PIK3C2A: variants seen among roughly 807,000 people sequenced by gnomAD.
The protein encoded by PIK3C2A is phosphatidylinositol 4-phosphate 3-kinase C2 domain-containing subunit alpha.
PIK3C2A carries 97 observed loss-of-function variants against 204.5 expected under a neutral mutation model. The ratio of observed to expected loss-of-function variants is 0.47; its 90% CI spans 0.40 to 0.56. The LOEUF is 0.56. PIK3C2A is among the 20% of genes least tolerant of loss of function. PIK3C2A has a pLI of 0.00. For synonymous variants in PIK3C2A, 653 were observed against 664.4 expected (o/e 0.98, Z 0.26); for missense variants, 1,735 against 1,969.2 (o/e 0.88, Z 2.25).
At chr11:17,125,716 G>A (rs1321973382) in intron 13 of PIK3C2A, among the ~76,000 whole-genome samples, 8 of 151,898 alleles carry the variant, frequency 5.3e-5, no homozygotes, top group Non-Finnish European at 1.2e-4. Context: ...ACAGGGTTTC[G>A]CCATATTGGC....
Position 17,186,623 on chromosome 11 carries a change from AT to A in PIK3C2A, c.-65-16818del, listed in dbSNP as rs779752133. ...TTAGAAGCCATCTTAAATGTGCCAAATAATATGCCGTCAATTTCTTCCTCTA... is the reference window on the plus strand; with the variant it reads ...TTAGAAGCCATCTTAAATGTGCCAAAAATATGCCGTCAATTTCTTCCTCTA... On this transcript the variant is annotated intron_variant, in intron 1 of 32. Coordinates refer to ENST00000691414, the MANE Select transcript of PIK3C2A (RefSeq NM_002645.4). Among the ~76,000 whole-genome samples the A allele has an allele frequency of 5.3e-5, 8 of 152,370 alleles. No homozygotes were observed. The East Asian group carries it at 7.7e-4, about 15-fold the overall frequency.
intron 27 of PIK3C2A, among the ~76,000 whole-genome samples, chr11:17,094,819 A>G (rs1000110751): frequency 6.6e-6 from 1 of 152,234 alleles, no homozygotes; most frequent in Non-Finnish European, 1.5e-5. Flanking sequence ...TAATTGTTAT[A>G]TGCAGTTCAA....
At chr11:17,103,299 T>G (rs944409342) in intron 23 of PIK3C2A, among the ~76,000 whole-genome samples, 1 of 152,098 alleles carries the variant, frequency 6.6e-6, no homozygotes, top group South Asian at 2.1e-4. Context: ...GTAATGTGTT[T>G]TGTTTCCCAT....
intron 2 of PIK3C2A, among the ~76,000 whole-genome samples, chr11:17,166,813 C>A (rs943701400): frequency 1.3e-5 from 2 of 152,170 alleles, no homozygotes; most frequent in Non-Finnish European, 2.9e-5. Flanking sequence ...TGACTCCAGG[C>A]ACTAAACACA....
intron 2 of PIK3C2A, among the ~76,000 whole-genome samples, chr11:17,165,501 C>G (rs887035067): frequency 3.3e-5 from 5 of 151,224 alleles, no homozygotes; most frequent in Non-Finnish European, 5.9e-5. Context: ...GCTGGCAGAC[C>G]TTGGTGGCTC....
At chr11:17,137,094 T>C (rs1237058102) in intron 8 of PIK3C2A, among the ~76,000 whole-genome samples, 1 of 152,210 alleles carries the variant, frequency 6.6e-6, no homozygotes, top group Non-Finnish European at 1.5e-5. Flanking sequence ...TCTTATATAA[T>C]GTATTAATTC....
At chr11:17,151,447 CTT>C (rs1850424259) in intron 3 of PIK3C2A, among the ~76,000 whole-genome samples, 1 of 152,078 alleles carries the variant, frequency 6.6e-6, no homozygotes, top group African/African-American at 2.4e-5. Flanking sequence ...TGTATACTTG[CTT>C]CTGTAGAGAT....
At chr11:17,143,623 TAA>T (rs56407565) in intron 8 of PIK3C2A, among the ~76,000 whole-genome samples, 41,219 of 141,542 alleles carry the variant, frequency 0.29, 6,098 homozygotes, top group East Asian at 0.39. Context: ...AAGAATATGT[TAA>T]AAAAAAAAAA....
chr11:17,176,321 T>C (rs1851339583), intron 1 of PIK3C2A, among the ~76,000 whole-genome samples: 1 of 150,956 alleles, frequency 6.6e-6, no homozygotes, highest in South Asian at 2.1e-4. Flanking sequence ...CTGAATATTA[T>C]ACCACCATTA....
In PIK3C2A at chr11:17,178,719, T is replaced by A. The variant is rs1165782164; in HGVS notation, c.-65-8913A>T. On this transcript the variant is annotated intron_variant, in intron 1 of 32. Coordinates refer to ENST00000691414, the MANE Select transcript of PIK3C2A (RefSeq NM_002645.4). ...ACACCTGGTTGATTTTTGAATTTTT[T>A]TTTTTTTTTTTTTTTTTTTTTGAGA... Among the ~76,000 whole-genome samples the A allele has an allele frequency of 1.8e-3, 233 of 129,880 alleles. 29 individuals are homozygous for A. Among genetic ancestry groups the A allele is most frequent in the East Asian group, 4.7e-3 (21 of 4,428 alleles). 85.2% of individuals were successfully genotyped at this position (129,880 alleles called of 152,430 possible).
chr11:17,141,907 T>A (rs1361375413), intron 8 of PIK3C2A, among the ~76,000 whole-genome samples: 3 of 152,238 alleles, frequency 2.0e-5, no homozygotes, highest in African/African-American at 7.2e-5. Context: ...AAGATCTTTT[T>A]CTTGAGACAT....
chr11:17,146,823 T>C (rs994849110), intron 6 of PIK3C2A, among the ~76,000 whole-genome samples: 1 of 152,046 alleles, frequency 6.6e-6, no homozygotes, highest in African/African-American at 2.4e-5. Flanking sequence ...CTTTACCCAA[T>C]TGAAATGAAT....
In PIK3C2A at chr11:17,168,823, C is replaced by G. The variant is rs773590675; in HGVS notation, c.919G>C (p.Val307Leu). 1 of 1,614,082 alleles carries G rather than the reference C, an allele frequency of 6.2e-7. No individual in the cohort carries two copies. Among genetic ancestry groups the G allele is most frequent in the Non-Finnish European group, 8.5e-7 (1 of 1,179,988 alleles). The change falls in exon 2 of 33, where the codon GTT becomes CTT. Residue 307 changes from valine to leucine, a missense_variant. Coordinates refer to ENST00000691414, the MANE Select transcript of PIK3C2A (RefSeq NM_002645.4). ...GCTGTCGATCTCTCTTCAAGAAGAA[C>G]AGCATCCCAAGGATCCTTTGCTAGC... Reference protein sequence around the residue: ...SLLAKDPWDAVLLEERSTANC... With the variant: ...SLLAKDPWDALLLEERSTANC...
Position 17,178,887 on chromosome 11 carries a change from G to A in PIK3C2A, c.-65-9081C>T, listed in dbSNP as rs1055560594. Among the ~76,000 whole-genome samples the A allele has an allele frequency of 2.7e-5, 4 of 150,744 alleles. No homozygotes were observed. In the South Asian group the frequency reaches 6.3e-4, roughly 24 times the overall value. ...TGGGACTACAGGCGCCCGCCACCGC[G>A]CCCGGCTAATTTTTTGTATTTTTAG... is the stretch of plus-strand genomic sequence containing the variant. On this transcript the variant is annotated intron_variant, in intron 1 of 32. Transcript: ENST00000691414.
At chr11:17,125,688 T>C (rs1849499797) in intron 13 of PIK3C2A, among the ~76,000 whole-genome samples, 1 of 152,138 alleles carries the variant, frequency 6.6e-6, no homozygotes, top group African/African-American at 2.4e-5. Context: ...CTATAACTTT[T>C]TTGTATTTTT....
intron 2 of PIK3C2A, among the ~76,000 whole-genome samples, chr11:17,158,712 C>A (rs1031375676): frequency 1.3e-4 from 20 of 152,124 alleles, no homozygotes; most frequent in African/African-American, 4.1e-4. Flanking sequence ...CAAGAATCAT[C>A]TTTCCCTGAA....
At position 17,132,315 on chromosome 11, in the gene PIK3C2A, ATTTTTTT is replaced by A. The variant is rs11307715; in HGVS notation, c.2109-284_2109-278del. On this transcript the variant is annotated intron_variant, in intron 11 of 32. Coordinates refer to ENST00000691414, the MANE Select transcript of PIK3C2A (RefSeq NM_002645.4). ...AACACCAGCTGAATAATTAACTTTA[ATTTTTTT>A]TTTTTTTTTTTTTTTTTTGAGACGG... Among the ~76,000 whole-genome samples, 53 of 78,798 alleles carry A rather than the reference ATTTTTTT, an allele frequency of 6.7e-4. 1 individual carries two copies. The South Asian group carries it at 0.022, about 33-fold the overall frequency. 51.7% of individuals were successfully genotyped at this position (78,798 alleles called of 152,430 possible).
Position 17,099,950 on chromosome 11 carries a change from G to A in PIK3C2A, c.4028C>T (p.Pro1343Leu). Residue 1343 changes from proline to leucine, a missense_variant, in exon 26 of 33, where the codon CCA becomes CTA. Physicochemically the swap from Pro to Leu is moderately conservative, Grantham distance 98 (BLOSUM62 -3). Around this residue, in one of 6 missense-constraint regions of PIK3C2A, gnomAD observed 503 missense variants for 669.0 expected, o/e 0.75. Coordinates refer to ENST00000691414, the MANE Select transcript of PIK3C2A (RefSeq NM_002645.4). The part of the protein sequence containing the change: ...LLSLMIPSGL[P>L]ELTSIQDLKY... Reference sequence around the variant, plus strand: ...CAAATCTTGAATACTTGTAAGTTCTGGTAACCCTGAAGGAATCATCTGTAG... The same window carrying A: ...CAAATCTTGAATACTTGTAAGTTCTAGTAACCCTGAAGGAATCATCTGTAG... 6.4e-7 allele frequency: 1 copy of A among 1,566,856 alleles called. No homozygotes were observed. The highest frequency in any genetic ancestry group is 1.3e-5 in the African/African-American group (1 of 74,102).
At chr11:17,175,041 C>A (rs888719222) in intron 1 of PIK3C2A, among the ~76,000 whole-genome samples, 3 of 152,158 alleles carry the variant, frequency 2.0e-5, no homozygotes, top group African/African-American at 2.4e-5. Flanking sequence ...TGGTAATGAA[C>A]AATGTAACAC....
Sources: gnomAD v4.1 joint callset for allele counts (sites outside exome capture counted in the v4.1 genomes callset) on GRCh38, gnomAD v4.1.1 for gene constraint, gnomAD v4.1.1 regional missense constraint, MANE v1.5 for transcripts, NCBI Gene and HGNC (gene_info 2026-07-23, HGNC 2026-07-21) for gene names.